ATG16L2: variants seen among roughly 807,000 people sequenced by gnomAD.
ATG16L2 encodes protein Atg16l2.
A neutral mutation model predicts 84.7 loss-of-function variants in ATG16L2; 77 were observed. That is an observed-to-expected ratio of 0.91 (90% CI 0.76 to 1.10). The LOEUF is 1.10. ATG16L2 is among the 50% of genes least tolerant of loss of function. The pLI is 0.00. For synonymous variants in ATG16L2, 361 were observed against 342.8 expected (o/e 1.05, Z -0.59); for missense variants, 782 against 817.6 (o/e 0.96, Z 0.53).
chr11:72,824,081 G>A lies in ATG16L2; in HGVS notation c.846G>A (p.Leu282=), dbSNP rs749982182. Residue 282 remains leucine (L), a synonymous_variant, in exon 8 of 18, where the codon CTG becomes CTA. Transcript: ENST00000321297. ...TCAGGTCTGCCTCAGCCACCTCCCT[G>A]ACGCTGTCCCACTGTGTGGATGTGG... ...RPFRSASATS[L]TLSHCVDVVK... 6.2e-7 allele frequency: 1 copy of A among 1,614,218 alleles called. No individual in the cohort carries two copies. The highest frequency in any genetic ancestry group is 8.5e-7 in the Non-Finnish European group (1 of 1,180,034).
At chr11:72,820,924 A>G (rs149012164) in intron 3 of ATG16L2, among the ~76,000 whole-genome samples, 68 of 152,244 alleles carry the variant, frequency 4.5e-4, no homozygotes, top group Admixed American at 9.2e-4. Flanking sequence ...CGCTGTTCCC[A>G]TATTGAGTCT....
At chr11:72,833,673 C>T (rs889280371), downstream of ATG16L2, among the ~76,000 whole-genome samples, 12 of 152,176 alleles carry the variant, frequency 7.9e-5, no homozygotes, top group Admixed American at 4.6e-4. Flanking sequence ...GTAATCCCAG[C>T]ACTTTTGGAG....
Position 72,814,562 on chromosome 11 carries a change from C to A in ATG16L2, c.117C>A (p.Ala39=). Residue 39 remains alanine (A), a splice_region_variant and synonymous_variant, in exon 1 of 18, where the codon GCC becomes GCA. Coordinates refer to ENST00000321297, the MANE Select transcript of ATG16L2 (RefSeq NM_033388.2). ...CGCTTTTCCTGGAGCTGGTGCCGGCCTGTGAGTGCGCCCCGGTGCTGAGAG... is the reference window on the plus strand; with the variant it reads ...CGCTTTTCCTGGAGCTGGTGCCGGCATGTGAGTGCGCCCCGGTGCTGAGAG... ...QKALFLELVP[A]YNHLLEKAEL... 1 of 1,571,268 alleles carries A rather than the reference C, an allele frequency of 6.4e-7. No homozygotes were observed. The highest frequency in any genetic ancestry group is 1.4e-5 in the African/African-American group (1 of 73,232).
chr11:72,822,198 A>C lies in ATG16L2; in HGVS notation c.547A>C (p.Arg183=), dbSNP rs1460323891. Residue 183 remains arginine, a synonymous_variant, in exon 5 of 18, where the codon AGG becomes CGG. Transcript: ENST00000321297. This position sits in a 1 kb window ranked among gnomAD's most constrained non-coding sequence, Gnocchi z 4.2. Reference sequence around the variant, plus strand: ...CGGGCTCCGGGAGGCGGCACTGCGCAGGCTCCAGGAAGAGGCGCGCGACCT... The same window carrying C: ...CGGGCTCCGGGAGGCGGCACTGCGCCGGCTCCAGGAAGAGGCGCGCGACCT... ...HVGLREAALR[R]LQEEARDLLE... 5 of 1,504,716 alleles carry C rather than the reference A, an allele frequency of 3.3e-6. No homozygotes were observed. Among genetic ancestry groups the C allele is most frequent in the Non-Finnish European group, 4.4e-6 (5 of 1,136,284 alleles). The allele number at this position is 1,504,716 out of a possible 1,614,324, so 93.2% of individuals were successfully genotyped here. A position where few individuals can be genotyped will look rare whatever the true frequency, so the allele number is the denominator to read the frequency against.
At chr11:72,830,945 T>C (rs916012386), downstream of ATG16L2, among the ~76,000 whole-genome samples, 37 of 152,352 alleles carry the variant, frequency 2.4e-4, no homozygotes, top group African/African-American at 8.7e-4. Context: ...CTTGCTATCA[T>C]GAGTGCATCT....
In ATG16L2 at chr11:72,814,572, GC is replaced by G; in HGVS notation, c.118+13del. The G allele has an allele frequency of 6.4e-7, 1 of 1,561,676 alleles. No individual in the cohort carries two copies. Among genetic ancestry groups the G allele is most frequent in the East Asian group, 2.4e-5 (1 of 41,310 alleles). On this transcript the variant is annotated intron_variant, in intron 1 of 17. Transcript: ENST00000321297. ...GGAGCTGGTGCCGGCCTGTGAGTGC[GC>G]CCCGGTGCTGAGAGGATGGCGGCTG...
chr11:72,817,005 A>G (rs1859737601), intron 2 of ATG16L2, among the ~76,000 whole-genome samples, 178 bp downstream of exon 2: 1 of 152,058 alleles, frequency 6.6e-6, no homozygotes, highest in Non-Finnish European at 1.5e-5. Context: ...TGGCCTTCCC[A>G]CAGGACAGCT....
chr11:72,840,069 C>G (rs537869148), intron 5 of ATG16L2, among the ~76,000 whole-genome samples: 1 of 152,332 alleles, frequency 6.6e-6, no homozygotes, highest in African/African-American at 2.4e-5. Context: ...GCCACCACTT[C>G]TTTCTTGGAT....
At chr11:72,838,950 C>T (rs1263159470) in intron 5 of ATG16L2, 6 of 1,364,454 alleles carry the variant, frequency 4.4e-6, no homozygotes, top group Non-Finnish European at 6.2e-6. Context: ...AACCTAATCA[C>T]TCATCTGTCC....
Position 72,826,745 on chromosome 11 carries a change from T to A in ATG16L2, c.1288T>A (p.Phe430Ile). ...GHKDKVTAAK[F>I]KLTRHQAVTG... Reference sequence around the variant, plus strand: ...CAAGGATAAGGTGACAGCTGCCAAATTCAAGCTAACGAGGCACCAGGCAGT... The same window carrying A: ...CAAGGATAAGGTGACAGCTGCCAAAATCAAGCTAACGAGGCACCAGGCAGT... The change falls in exon 13 of 18, where the codon TTC (phenylalanine) becomes ATC (isoleucine). Residue 430 changes from phenylalanine to isoleucine, a missense_variant. Physicochemically the swap from Phe to Ile is conservative, Grantham distance 21. Coordinates refer to ENST00000321297, the MANE Select transcript of ATG16L2 (RefSeq NM_033388.2). 6.2e-7 allele frequency: 1 copy of A among 1,614,060 alleles called. No individual in the cohort carries two copies. Among genetic ancestry groups the A allele is most frequent in the East Asian group, 2.2e-5 (1 of 44,882 alleles).
At chr11:72,819,946 C>T (rs1341821482) in intron 3 of ATG16L2, among the ~76,000 whole-genome samples, 1 of 152,202 alleles carries the variant, frequency 6.6e-6, no homozygotes, top group South Asian at 2.1e-4. Flanking sequence ...GGGGTTTCAC[C>T]ATGTTAGCTA....
rs780738066 is a variant in ATG16L2 at position 72,826,539 on chromosome 11, A to G, written c.1195A>G (p.Thr399Ala). The G allele has an allele frequency of 6.2e-7, 1 of 1,614,056 alleles. No individual in the cohort carries two copies. Among genetic ancestry groups the G allele is most frequent in the Non-Finnish European group, 8.5e-7 (1 of 1,180,000 alleles). ...CCAGGGCTACCAGGTTTTAGCAGCA[A>G]CTTACAACCAGGCTGCCCAGCTCTG... Reference protein sequence around the residue: ...DPSGYQVLAATYNQAAQLWKV... With the variant: ...DPSGYQVLAAAYNQAAQLWKV... Residue 399 changes from threonine to alanine, a missense_variant, in exon 12 of 18, where the codon ACT becomes GCT. Physicochemically the swap from Thr to Ala is moderately conservative, Grantham distance 58. Coordinates refer to ENST00000321297, the MANE Select transcript of ATG16L2 (RefSeq NM_033388.2).
chr11:72,826,872 C>T (rs755675282), intron 13 of ATG16L2, 49 bp downstream of exon 13: 6 of 1,598,918 alleles, frequency 3.8e-6, no homozygotes, highest in Non-Finnish European at 5.1e-6. Flanking sequence ...GCCAGGAGCC[C>T]CAGGCCAGGG....
intron 3 of ATG16L2, 173 bp from the exon 4 acceptor site, chr11:72,821,495 C>T: frequency 7.1e-7 from 1 of 1,417,782 alleles, no homozygotes; most frequent in South Asian, 1.5e-5. Flanking sequence ...TTCCACTGCT[C>T]CACAAACAGC....
chr11:72,838,470 C>T, intron 5 of ATG16L2: 1 of 381,940 alleles, frequency 2.6e-6, no homozygotes, highest in Non-Finnish European at 4.9e-6. Context: ...AGGGACTGTG[C>T]CCTGGAATGA....
At chr11:72,829,935 TG>T (rs1271667426), downstream of ATG16L2, among the ~76,000 whole-genome samples, 1 of 151,878 alleles carries the variant, frequency 6.6e-6, no homozygotes, top group Non-Finnish European at 1.5e-5. Context: ...GAGGAGGGGC[TG>T]GGGGAGCTCT....
At position 72,828,895 on chromosome 11, in the gene ATG16L2, C is replaced by T; in HGVS notation, c.1683C>T (p.Ser561=). 3 of 1,614,216 alleles carry T rather than the reference C, an allele frequency of 1.9e-6. No homozygotes were observed. The highest frequency in any genetic ancestry group is 2.5e-6 in the Non-Finnish European group (3 of 1,180,036). The change falls in exon 17 of 18, where the codon AGC becomes AGT. Residue 561 remains serine (S), a synonymous_variant. Transcript: ENST00000321297. ...GTGGCCACTACAGCCCGGACAGAAG[C>T]TATGCACTGGCAGGCTCCTGTGATG... ...WTKAVFSPDR[S]YALAGSCDGA...
At chr11:72,842,915 A>T in exon 6 of ATG16L2, 1 of 1,139,032 alleles carries the variant, frequency 8.8e-7, no homozygotes, top group Non-Finnish European at 1.3e-6. Context: ...CCCTATGCTC[A>T]CATGACAACT....
chr11:72,824,214 C>A (rs1413276448), intron 8 of ATG16L2, 92 bp downstream of exon 8: 2 of 1,468,650 alleles, frequency 1.4e-6, no homozygotes, highest in Non-Finnish European at 1.9e-6. Context: ...CCTGTCCATC[C>A]CTGTGATGTG....
Sources: allele counts gnomAD v4.1 joint callset (sites outside exome capture counted in the v4.1 genomes callset), GRCh38; gene constraint gnomAD v4.1.1; non-coding constraint Gnocchi (gnomAD v3.1); transcripts MANE v1.5; gene names NCBI Gene and HGNC (gene_info 2026-07-23, HGNC 2026-07-21).